The following SKIC2 variants were observed in gnomAD, a reference collection of about 807,000 sequenced individuals.
SKIC2 encodes SKI2 subunit of superkiller complex.
chr6:31,962,294 A>G, the SKIC2 span: 1 of 1,003,470 alleles, frequency 1.0e-6, no homozygotes, highest in South Asian at 1.4e-5. The surrounding 1 kb of genome is among the most constrained non-coding windows in gnomAD (Gnocchi z 5.0). Flanking sequence ...GGGTTATATC[A>G]TGCAGGAGAA....
the SKIC2 span, chr6:31,966,972 C>A: frequency 1.2e-5 from 20 of 1,613,066 alleles, no homozygotes; most frequent in South Asian, 6.6e-5. This position sits in a 1 kb window ranked among gnomAD's most constrained non-coding sequence, Gnocchi z 5.9. Context: ...CTGGAGACTC[C>A]CCTTTCACAG....
chr6:31,963,970 G>A, the SKIC2 span: 3,156 of 1,612,356 alleles, frequency 2.0e-3, 5 homozygotes, highest in Middle Eastern at 4.0e-3. This position sits in a 1 kb window ranked among gnomAD's most constrained non-coding sequence, Gnocchi z 5.3. Flanking sequence ...CCAGTTGCCC[G>A]TGGTGGTGTT....
chr6:31,965,931 G>A, the SKIC2 span: 1 of 1,613,032 alleles, frequency 6.2e-7, no homozygotes, highest in Non-Finnish European at 8.5e-7. The surrounding 1 kb of genome is among the most constrained non-coding windows in gnomAD (Gnocchi z 5.6). Flanking sequence ...GCAGGGCGGA[G>A]GGGCCTGGAC....
At chr6:31,966,961 C>T in the SKIC2 span, 3 of 1,613,104 alleles carry the variant, frequency 1.9e-6, no homozygotes, top group Non-Finnish European at 2.5e-6. This position sits in a 1 kb window ranked among gnomAD's most constrained non-coding sequence, Gnocchi z 5.9. Context: ...ACAGATTGGG[C>T]CTGGAGACTC....
the SKIC2 span, chr6:31,961,756 C>T: frequency 6.4e-7 from 1 of 1,561,758 alleles, no homozygotes; most frequent in Non-Finnish European, 8.7e-7. Context: ...CCTCTATTGG[C>T]CAGAGGTCAG....
the SKIC2 span, among the ~76,000 whole-genome samples, chr6:31,964,779 C>T: frequency 0.018 from 2,780 of 152,234 alleles, 37 homozygotes; most frequent in Non-Finnish European, 0.025. The surrounding 1 kb of genome is among the most constrained non-coding windows in gnomAD (Gnocchi z 5.0). Flanking sequence ...GAATCCTTTA[C>T]GGGATGCCTA....
At chr6:31,967,023 C>G in the SKIC2 span, 1 of 1,612,972 alleles carries the variant, frequency 6.2e-7, no homozygotes, top group East Asian at 2.2e-5. The surrounding 1 kb of genome is among the most constrained non-coding windows in gnomAD (Gnocchi z 4.9). Context: ...CAGGCCCTGG[C>G]TGAACTGACC....
the SKIC2 span, chr6:31,960,213 T>A: frequency 6.2e-7 from 1 of 1,612,448 alleles, no homozygotes. Flanking sequence ...ACTATTTTTC[T>A]CTCCAGAAAA....
chr6:31,967,173 G>A, the SKIC2 span: 2 of 1,607,208 alleles, frequency 1.2e-6, no homozygotes, highest in Non-Finnish European at 1.7e-6. The surrounding 1 kb of genome is among the most constrained non-coding windows in gnomAD (Gnocchi z 4.9). Context: ...GGAGGTGATA[G>A]GAGAAGGGAA....
At chr6:31,969,262 T>C in the SKIC2 span, 4 of 1,613,448 alleles carry the variant, frequency 2.5e-6, no homozygotes, top group African/African-American at 1.3e-5. This position sits in a 1 kb window ranked among gnomAD's most constrained non-coding sequence, Gnocchi z 6.1. Flanking sequence ...GGCCTTAACC[T>C]CTCCTTCTTT....
the SKIC2 span, chr6:31,968,418 C>A: frequency 6.2e-7 from 1 of 1,612,982 alleles, no homozygotes; most frequent in Non-Finnish European, 8.5e-7. The surrounding 1 kb of genome is among the most constrained non-coding windows in gnomAD (Gnocchi z 6.1). Context: ...CCACCCTCGA[C>A]CCTGTCAATG....
At chr6:31,963,832 C>T in the SKIC2 span, 451 of 1,472,098 alleles carry the variant, frequency 3.1e-4, 1 homozygote, top group African/African-American at 5.5e-3. The surrounding 1 kb of genome is among the most constrained non-coding windows in gnomAD (Gnocchi z 5.3). Flanking sequence ...GCTTTGAGCA[C>T]TGCCCCAGTT....
chr6:31,968,997 C>T, the SKIC2 span: 1 of 1,612,912 alleles, frequency 6.2e-7, no homozygotes, highest in East Asian at 2.2e-5. The surrounding 1 kb of genome is among the most constrained non-coding windows in gnomAD (Gnocchi z 6.1). Context: ...ACTGAGCACC[C>T]TGCGGCCTGA....
chr6:31,967,749 C>G, the SKIC2 span: 2 of 1,613,086 alleles, frequency 1.2e-6, no homozygotes. The surrounding 1 kb of genome is among the most constrained non-coding windows in gnomAD (Gnocchi z 4.9). Context: ...GTATTCACAA[C>G]CCTGGTCTTG....
the SKIC2 span, chr6:31,966,883 G>T: frequency 6.2e-7 from 1 of 1,613,908 alleles, no homozygotes; most frequent in Non-Finnish European, 8.5e-7. This position sits in a 1 kb window ranked among gnomAD's most constrained non-coding sequence, Gnocchi z 5.9. Context: ...TGGAGCAGGA[G>T]GTTGGCCAAA....
At chr6:31,967,790 G>A in the SKIC2 span, 63,524 of 1,612,958 alleles carry the variant, frequency 0.039, 1,696 homozygotes, top group East Asian at 0.079. This position sits in a 1 kb window ranked among gnomAD's most constrained non-coding sequence, Gnocchi z 4.9. Flanking sequence ...GGACCCACAG[G>A]ACAGGGGGCC....
the SKIC2 span, chr6:31,961,806 G>A: frequency 2.4e-5 from 38 of 1,552,868 alleles, 1 homozygote; most frequent in Non-Finnish European, 3.0e-5. Flanking sequence ...TCCCAGCCTC[G>A]GCTGGCTCCG....
At chr6:31,967,055 G>A in the SKIC2 span, 1 of 1,613,020 alleles carries the variant, frequency 6.2e-7, no homozygotes, top group Non-Finnish European at 8.5e-7. The surrounding 1 kb of genome is among the most constrained non-coding windows in gnomAD (Gnocchi z 4.9). Flanking sequence ...AGCTTTGGAG[G>A]AGCCTGACAT....
the SKIC2 span, chr6:31,967,935 C>G: frequency 6.2e-7 from 1 of 1,613,082 alleles, no homozygotes; most frequent in Non-Finnish European, 8.5e-7. The surrounding 1 kb of genome is among the most constrained non-coding windows in gnomAD (Gnocchi z 4.9). Flanking sequence ...CAATGTCTGC[C>G]CTGCTCTCCC....
Sources: gnomAD v4.1 joint callset for allele counts (sites outside exome capture counted in the v4.1 genomes callset) on GRCh38, gnomAD v4.1.1 for gene constraint, Gnocchi (gnomAD v3.1) non-coding constraint, MANE v1.5 for transcripts, NCBI Gene and HGNC (gene_info 2026-07-23, HGNC 2026-07-21) for gene names.